LPAR1: variants seen among roughly 807,000 people sequenced by gnomAD.
The protein encoded by LPAR1 is LPA receptor 1.
LPAR1 carries 5 observed loss-of-function variants against 23.8 expected under a neutral mutation model. That is an observed-to-expected ratio of 0.21 (90% CI 0.11 to 0.44). The LOEUF is 0.44. LPAR1 is among the 20% of genes least tolerant of loss of function. The pLI, the probability that LPAR1 is intolerant of heterozygous loss-of-function variation, is 0.99. For synonymous variants in LPAR1, 160 were observed against 164.7 expected, an observed-to-expected ratio of 0.97 and a Z score of 0.22; for missense variants, 311 against 482.8, an observed-to-expected ratio of 0.64 and a Z score of 3.33.
chr9:111,009,334 G>A (rs1210366696), intron 2 of LPAR1, among the ~76,000 whole-genome samples: 2 of 151,794 alleles, frequency 1.3e-5, no homozygotes, highest in Non-Finnish European at 2.9e-5. Flanking sequence ...GGCACAGATG[G>A]GAAATCTCAA....
chr9:110,962,173 T>C (rs1240782740), intron 4 of LPAR1, among the ~76,000 whole-genome samples: 1 of 152,162 alleles, frequency 6.6e-6, no homozygotes, highest in Non-Finnish European at 1.5e-5. Context: ...TTGACCTATC[T>C]TACATAAGTG....
At chr9:110,887,346 A>G (rs2082676925) in intron 5 of LPAR1, among the ~76,000 whole-genome samples, 1 of 152,040 alleles carries the variant, frequency 6.6e-6, no homozygotes, top group Non-Finnish European at 1.5e-5. Flanking sequence ...AAATGTTTAT[A>G]TTTATATAAA....
At chr9:110,946,913 T>C (rs1487593925) in intron 4 of LPAR1, among the ~76,000 whole-genome samples, 6 of 152,196 alleles carry the variant, frequency 3.9e-5, no homozygotes, top group Admixed American at 3.9e-4. Flanking sequence ...TGTAAACATA[T>C]TAATTTTCTC....
At chr9:110,946,605 C>T (rs1003233095) in intron 4 of LPAR1, among the ~76,000 whole-genome samples, 3 of 151,782 alleles carry the variant, frequency 2.0e-5, no homozygotes, top group African/African-American at 7.3e-5. Flanking sequence ...AGAATGCCAT[C>T]TACATTTCAT....
intron 4 of LPAR1, among the ~76,000 whole-genome samples, chr9:110,961,617 C>CAAAAAAAAAA (rs57773067): frequency 1.3e-5 from 1 of 79,860 alleles, no homozygotes; most frequent in African/African-American, 4.6e-5. Flanking sequence ...GAGACTATCT[C>CAAAAAAAAAA]AAAAAAAAAA....
intron 4 of LPAR1, among the ~76,000 whole-genome samples, chr9:110,950,248 C>G (rs1015166729): frequency 2.0e-5 from 3 of 151,874 alleles, no homozygotes; most frequent in Non-Finnish European, 2.9e-5. Context: ...TCACTTGAGG[C>G]CAGGAATTTG....
At chr9:110,999,309 G>C in intron 2 of LPAR1, 1 of 441,132 alleles carries the variant, frequency 2.3e-6, no homozygotes, top group South Asian at 1.6e-5. Context: ...TGAATTAAAA[G>C]CAACTGGTGT....
At chr9:110,903,768 T>A (rs2090164485) in intron 5 of LPAR1, among the ~76,000 whole-genome samples, 2 of 151,446 alleles carry the variant, frequency 1.3e-5, no homozygotes, top group South Asian at 4.1e-4. Context: ...TTTTCTAAAT[T>A]TGGCAAAAAA....
chr9:110,925,833 C>T (rs1031163395), intron 5 of LPAR1, among the ~76,000 whole-genome samples: 1 of 152,216 alleles, frequency 6.6e-6, no homozygotes, highest in African/African-American at 2.4e-5. Context: ...CAGTACTCTA[C>T]CCAGTTATAG....
At chr9:110,934,831 C>T (rs546336914) in intron 5 of LPAR1, among the ~76,000 whole-genome samples, 4 of 151,708 alleles carry the variant, frequency 2.6e-5, no homozygotes, top group African/African-American at 9.7e-5. Flanking sequence ...AACACACACA[C>T]ACACACACAC....
chr9:110,929,752 C>T (rs1019070110), intron 5 of LPAR1, among the ~76,000 whole-genome samples: 25 of 142,336 alleles, frequency 1.8e-4, no homozygotes, highest in African/African-American at 5.8e-4. Context: ...GTTATAGTTG[C>T]CAGATAAAAC....
At chr9:110,895,564 G>C (rs770825295) in intron 5 of LPAR1, among the ~76,000 whole-genome samples, 2 of 152,204 alleles carry the variant, frequency 1.3e-5, no homozygotes, top group Non-Finnish European at 2.9e-5. Flanking sequence ...AGATAAGCCA[G>C]GGAGGGAACT....
At chr9:110,930,224 G>A (rs2094316764) in intron 5 of LPAR1, among the ~76,000 whole-genome samples, 1 of 152,132 alleles carries the variant, frequency 6.6e-6, no homozygotes, top group African/African-American at 2.4e-5. Context: ...ATATAGAAAT[G>A]AATCCCTTTC....
At chr9:110,987,098 G>GTAAC (rs2096798259) in intron 2 of LPAR1, among the ~76,000 whole-genome samples, 1 of 152,016 alleles carries the variant, frequency 6.6e-6, no homozygotes, top group Non-Finnish European at 1.5e-5. Flanking sequence ...CAGAAGGCAT[G>GTAAC]TAACTCCACC....
chr9:110,941,475 G>C lies in LPAR1; in HGVS notation c.739C>G (p.Arg247Gly). 1.9e-6 allele frequency: 3 copies of C among 1,613,984 alleles called. No individual in the cohort carries two copies. The highest frequency in any genetic ancestry group is 2.5e-6 in the Non-Finnish European group (3 of 1,179,948). Reference protein sequence around the residue: ...MRMSRHSSGPRRNRDTMMSLL... With the variant: ...MRMSRHSSGPGRNRDTMMSLL... ...CTCATCATGGTATCCCGATTCCGCC[G>C]GGGTCCAGAACTATGCCGAGACATT... The change falls in exon 5 of 6, where the codon CGG becomes GGG. Residue 247 changes from arginine to glycine, a missense_variant. Physicochemically the swap from Arg to Gly is moderately radical, Grantham distance 125. Coordinates refer to ENST00000683809, the MANE Select transcript of LPAR1 (RefSeq NM_001351411.2). The surrounding 1 kb of genome is among the most constrained non-coding windows in gnomAD (Gnocchi z 6.1).
chr9:110,941,708 A>C lies in LPAR1; in HGVS notation c.506T>G (p.Val169Gly), dbSNP rs751998696. Reference protein sequence around the residue: ...MSNRRVVVVIVVIWTMAIVMG... With the variant: ...MSNRRVVVVIGVIWTMAIVMG... ...AACGATGGCCATAGTCCAGATGACC[A>C]CAATGACCACCACTACCCGCCGGTT... The change falls in exon 5 of 6, where the codon GTG becomes GGG. Residue 169 changes from valine to glycine, a missense_variant. Val to Gly is a moderately radical substitution (Grantham distance 109). Transcript: ENST00000683809. The surrounding 1 kb of genome is among the most constrained non-coding windows in gnomAD (Gnocchi z 6.1). 1 of 1,614,192 alleles carries C rather than the reference A, an allele frequency of 6.2e-7. No homozygotes were observed. Among genetic ancestry groups the C allele is most frequent in the South Asian group, 1.1e-5 (1 of 91,088 alleles).
At chr9:110,892,926 C>T (rs2085027823) in intron 5 of LPAR1, among the ~76,000 whole-genome samples, 1 of 152,028 alleles carries the variant, frequency 6.6e-6, no homozygotes, top group Admixed American at 6.5e-5. Context: ...TGCACCCTTA[C>T]TGGGGAAACC....
intron 2 of LPAR1, among the ~76,000 whole-genome samples, chr9:111,029,906 T>A (rs1339202941): frequency 6.6e-6 from 1 of 151,628 alleles, no homozygotes; most frequent in Non-Finnish European, 1.5e-5. Context: ...ACAAAAAAAA[T>A]TAGCCAGGCA....
intron 5 of LPAR1, among the ~76,000 whole-genome samples, chr9:110,915,899 C>T (rs1026405552): frequency 6.6e-6 from 1 of 152,078 alleles, no homozygotes; most frequent in African/African-American, 2.4e-5. Flanking sequence ...GAGTGTCTTA[C>T]TTCTCACTTC....
Sources: gnomAD v4.1 joint callset for allele counts (sites outside exome capture counted in the v4.1 genomes callset) on GRCh38, gnomAD v4.1.1 for gene constraint, Gnocchi (gnomAD v3.1) non-coding constraint, MANE v1.5 for transcripts, NCBI Gene and HGNC (gene_info 2026-07-23, HGNC 2026-07-21) for gene names.